MRPS6: variants seen among roughly 807,000 people sequenced by gnomAD.
MRPS6 encodes the protein mitochondrial ribosomal protein S6, also known as small ribosomal subunit protein bS6m.
In MRPS6, 6 loss-of-function variants were observed where a neutral mutation model predicts 13.1. That is an observed-to-expected ratio of 0.46 (90% CI 0.25 to 0.91). MRPS6 has a LOEUF of 0.91. MRPS6 is among the 40% of genes least tolerant of loss of function. The pLI is 0.18. For missense variants in MRPS6, 164 were observed against 155.6 expected (o/e 1.05, Z -0.29); for synonymous variants, 61 against 56.5 (o/e 1.08, Z -0.36).
intron 1 of MRPS6, among the ~76,000 whole-genome samples, chr21:34,088,165 A>G (rs1041709525): frequency 6.6e-6 from 1 of 152,216 alleles, no homozygotes; most frequent in Non-Finnish European, 1.5e-5. Context: ...TTAATGTTTT[A>G]AAGTTGTGGG....
In MRPS6 at chr21:34,077,652, CAA is replaced by C. The variant is rs551398787; in HGVS notation, c.45+3909_45+3910del. On this transcript the variant is annotated intron_variant, in intron 1 of 2. Transcript: ENST00000399312. Reference sequence around the variant, plus strand: ...TGGAAATCTTAAGTTCTTATTAAAACAAACAGTAATTTTTATGTTTAATACTC... The same window carrying C: ...TGGAAATCTTAAGTTCTTATTAAAACACAGTAATTTTTATGTTTAATACTC... 2.3e-4 allele frequency among the ~76,000 whole-genome samples: 35 copies of C among 152,164 alleles called. 2 individuals carry two copies. The East Asian group carries it at 6.6e-3, about 29-fold the overall frequency.
At chr21:34,088,950 A>G (rs1451228527) in intron 1 of MRPS6, among the ~76,000 whole-genome samples, 1 of 151,946 alleles carries the variant, frequency 6.6e-6, no homozygotes, top group African/African-American at 2.4e-5. Flanking sequence ...GATAGTGTTG[A>G]GCCTCTTGAA....
intron 1 of MRPS6, among the ~76,000 whole-genome samples, chr21:34,109,251 A>G (rs979357887): frequency 6.6e-6 from 1 of 151,878 alleles, no homozygotes; most frequent in Non-Finnish European, 1.5e-5. Context: ...TTAATCTTCC[A>G]TGTTAAAGGC....
At chr21:34,112,161 TA>T (rs1278844127) in intron 1 of MRPS6, among the ~76,000 whole-genome samples, 6 of 152,202 alleles carry the variant, frequency 3.9e-5, no homozygotes, top group Non-Finnish European at 8.8e-5. Context: ...CCTTTCTAGT[TA>T]TATTAAGTAC....
At chr21:34,101,521 T>G (rs1979236573) in intron 1 of MRPS6, 1 of 1,000,116 alleles carries the variant, frequency 1.0e-6, no homozygotes, top group Admixed American at 6.2e-5. Flanking sequence ...TGTTTCTATA[T>G]GTGTATATGC....
intron 1 of MRPS6, among the ~76,000 whole-genome samples, chr21:34,120,033 T>A (rs1208296263): frequency 6.6e-6 from 1 of 152,180 alleles, no homozygotes; most frequent in East Asian, 1.9e-4. Flanking sequence ...TTTTAGAAGA[T>A]CATTGTGAAA....
chr21:34,073,734 G>A lies in MRPS6; in HGVS notation c.34G>A (p.Ala12Thr). The change falls in exon 1 of 3, where the codon GCC (alanine) becomes ACC (threonine). Residue 12 changes from alanine to threonine, a missense_variant. Physicochemically the swap from Ala to Thr is moderately conservative, Grantham distance 58. Coordinates refer to ENST00000399312, the MANE Select transcript of MRPS6 (RefSeq NM_032476.4). ...PRYELALILKAMQRPETAATL... is the reference protein window; with the variant it reads ...PRYELALILKTMQRPETAATL... Reference sequence around the variant, plus strand: ...CTACGAGCTGGCTTTAATCCTGAAAGCCATGCAGCGGGTAAGTGACCTTCC... The same window carrying A: ...CTACGAGCTGGCTTTAATCCTGAAAACCATGCAGCGGGTAAGTGACCTTCC... 2 of 1,528,186 alleles carry A rather than the reference G, an allele frequency of 1.3e-6. No homozygotes were observed. Among genetic ancestry groups the A allele is most frequent in the Non-Finnish European group, 8.8e-7 (1 of 1,132,726 alleles). The allele number at this position is 1,528,186 out of a possible 1,614,324, so 94.7% of individuals were successfully genotyped here.
intron 2 of MRPS6, among the ~76,000 whole-genome samples, chr21:34,129,892 T>C (rs1569424741): frequency 1.3e-5 from 2 of 152,158 alleles, no homozygotes; most frequent in African/African-American, 2.4e-5. Flanking sequence ...TTAGTGTTAG[T>C]GGTTTTGAAA....
At chr21:34,135,746 G>T in intron 2 of MRPS6, 1 of 459,442 alleles carries the variant, frequency 2.2e-6, no homozygotes. Flanking sequence ...CCTGTGAGCA[G>T]GTGGATGAAA....
intron 2 of MRPS6, among the ~76,000 whole-genome samples, chr21:34,127,724 T>C (rs1980357961): frequency 6.6e-6 from 1 of 152,352 alleles, no homozygotes; most frequent in Non-Finnish European, 1.5e-5. Context: ...TCACTAACCC[T>C]AACCATGGCA....
chr21:34,102,701 C>T (rs982414435), intron 1 of MRPS6: 22 of 1,000,082 alleles, frequency 2.2e-5, no homozygotes, highest in Non-Finnish European at 2.7e-5. Context: ...AGCTGAAGAG[C>T]GAGCAAATCA....
rs1341962643 is a variant in MRPS6 at position 34,095,877 on chromosome 21, A to G, written c.45+22132A>G. 4.3e-6 allele frequency: 7 copies of G among 1,613,972 alleles called. No homozygotes were observed. The East Asian group carries it at 6.7e-5, about 15-fold the overall frequency. On this transcript the variant is annotated intron_variant, in intron 1 of 2. Coordinates refer to ENST00000399312, the MANE Select transcript of MRPS6 (RefSeq NM_032476.4). ...GTTGGCCTCACCCGATGTCACTTCC[A>G]TCTTATTGACATACAACCTTTCCAA...
At chr21:34,119,532 C>T (rs1368104683) in intron 1 of MRPS6, among the ~76,000 whole-genome samples, 1 of 152,198 alleles carries the variant, frequency 6.6e-6, no homozygotes, top group African/African-American at 2.4e-5. Context: ...GCTCTACCTT[C>T]CCTGAGTCCT....
chr21:34,086,909 C>T (rs1978418104), intron 1 of MRPS6, among the ~76,000 whole-genome samples: 1 of 152,180 alleles, frequency 6.6e-6, no homozygotes, highest in Non-Finnish European at 1.5e-5. Flanking sequence ...TGCTTGCCGG[C>T]ACTGACCTGC....
At chr21:34,122,742 AGACCC>A (rs1042685396) in intron 1 of MRPS6, 1 of 151,958 alleles carries the variant, frequency 6.6e-6, no homozygotes, top group African/African-American at 2.4e-5. Context: ...TGCAAAGCTG[AGACCC>A]GACTCTTTAT....
At position 34,142,696 on chromosome 21, in the gene MRPS6, C is replaced by A; in HGVS notation, c.*96C>A. 1 of 1,355,446 alleles carries A rather than the reference C, an allele frequency of 7.4e-7. No individual in the cohort carries two copies. Among genetic ancestry groups the A allele is most frequent in the Non-Finnish European group, 9.6e-7 (1 of 1,037,356 alleles). The allele number at this position is 1,355,446 out of a possible 1,614,324, so 84.0% of individuals were successfully genotyped here. ...TTTGCAAGTTTGGCCTTTATATAAG[C>A]ATGTGTTGCAGGTGCTGTTTGATTT... is the stretch of plus-strand genomic sequence containing the variant. On this transcript the variant is annotated 3_prime_UTR_variant, in exon 3 of 3. Coordinates refer to ENST00000399312, the MANE Select transcript of MRPS6 (RefSeq NM_032476.4).
intron 1 of MRPS6, chr21:34,102,704 G>A: frequency 3.0e-6 from 3 of 1,000,160 alleles, no homozygotes; most frequent in Non-Finnish European, 3.6e-6. Context: ...TGAAGAGCGA[G>A]CAAATCAAGA....
intron 1 of MRPS6, chr21:34,097,227 C>G (rs1157968383): frequency 6.2e-7 from 1 of 1,613,860 alleles, no homozygotes; most frequent in Non-Finnish European, 8.5e-7. Context: ...TCTCAGAGAC[C>G]TGATGGAAGA....
In MRPS6 at chr21:34,105,834, G is replaced by A. The variant is rs140597425; in HGVS notation, c.46-19507G>A. The A allele has an allele frequency of 1.9e-3, 1,914 of 995,358 alleles. 1 individual carries two copies. Among genetic ancestry groups the A allele is most frequent in the Admixed American group, 3.6e-3 (59 of 16,272 alleles). 61.7% of individuals were successfully genotyped at this position (995,358 alleles called of 1,614,324 possible). A position where few individuals can be genotyped will look rare whatever the true frequency, so the allele number is the denominator to read the frequency against. On this transcript the variant is annotated intron_variant, in intron 1 of 2. Transcript: ENST00000399312. The stretch of plus-strand genomic sequence containing the variant: ...GAAAGTAGAATTTGGTATAAAGCAG[G>A]TTATTTCTATATTGAAAGGAGTACA...
Sources: gnomAD v4.1 joint callset for allele counts (sites outside exome capture counted in the v4.1 genomes callset) on GRCh38, gnomAD v4.1.1 for gene constraint, MANE v1.5 for transcripts, NCBI Gene and HGNC (gene_info 2026-07-23, HGNC 2026-07-21) for gene names.